The following ANKS1B variants were observed in gnomAD, a reference collection of about 807,000 sequenced individuals.
The protein encoded by ANKS1B is ankyrin repeat and sterile alpha motif domain-containing protein 1B.
ANKS1B carries 36 observed loss-of-function variants against 148.3 expected under a neutral mutation model. That is an observed-to-expected ratio of 0.24 (90% CI 0.19 to 0.32). The LOEUF is 0.32. ANKS1B is among the 10% of genes least tolerant of loss of function. ANKS1B has a pLI of 1.00. For synonymous variants in ANKS1B, 542 were observed against 560.8 expected (o/e 0.97, Z 0.47); for missense variants, 1,157 against 1,542.6 (o/e 0.75, Z 4.19).
intron 22 of ANKS1B, among the ~76,000 whole-genome samples, chr12:98,785,026 G>A (rs1432304965): frequency 1.3e-5 from 2 of 152,164 alleles, no homozygotes; most frequent in Non-Finnish European, 2.9e-5. Context: ...AATCTTCTGG[G>A]TAGAGCCCCT....
Position 98,781,179 on chromosome 12 carries a change from C to T in ANKS1B, c.3379G>A (p.Val1127Ile). The T allele has an allele frequency of 6.3e-7, 1 of 1,585,692 alleles. No individual in the cohort carries two copies. The highest frequency in any genetic ancestry group is 1.3e-5 in the African/African-American group (1 of 74,592). ...GAGACAGAAAGAATAATAGTAGGGA[C>T]CTTCTTCATTTGCTCTGTAGACTTC... Reference protein sequence around the residue: ...CQKSTEQMKKVPTIILSVSYK... With the variant: ...CQKSTEQMKKIPTIILSVSYK... Residue 1127 changes from valine to isoleucine, a missense_variant, in exon 24 of 27, where the codon GTC becomes ATC. Coordinates refer to ENST00000683438, the MANE Select transcript of ANKS1B (RefSeq NM_001352186.2).
chr12:98,908,764 G>A (rs903026960), intron 17 of ANKS1B, among the ~76,000 whole-genome samples: 2 of 152,204 alleles, frequency 1.3e-5, no homozygotes, highest in African/African-American at 4.8e-5. Flanking sequence ...CAAGAGGAAG[G>A]TGGCAAAGAA....
intron 12 of ANKS1B, among the ~76,000 whole-genome samples, chr12:99,321,500 G>A (rs1295419721): frequency 5.3e-5 from 8 of 152,212 alleles, no homozygotes; most frequent in African/African-American, 9.6e-5. Flanking sequence ...GGGACCCTCC[G>A]AGCCAAGTGC....
intron 12 of ANKS1B, among the ~76,000 whole-genome samples, chr12:99,317,926 G>C (rs9705815): frequency 1.3e-5 from 2 of 152,166 alleles, no homozygotes; most frequent in Admixed American, 6.5e-5. Flanking sequence ...AGATAATCAT[G>C]TGGTTTTTGT....
At chr12:99,827,279 C>T (rs2083321957) in intron 1 of ANKS1B, among the ~76,000 whole-genome samples, 1 of 151,052 alleles carries the variant, frequency 6.6e-6, no homozygotes, top group Non-Finnish European at 1.5e-5. Context: ...AGACATTATG[C>T]TAAGTGAAAT....
intron 22 of ANKS1B, among the ~76,000 whole-genome samples, chr12:98,789,297 T>A (rs2098826232): frequency 6.6e-6 from 1 of 151,984 alleles, no homozygotes. Context: ...GAGCCAAGAT[T>A]GCACCACCAC....
chr12:99,381,325 T>G (rs983251688), intron 12 of ANKS1B, among the ~76,000 whole-genome samples: 1 of 152,218 alleles, frequency 6.6e-6, no homozygotes, highest in African/African-American at 2.4e-5. Flanking sequence ...GGATTTGGAA[T>G]TCCAGCTTAG....
At chr12:99,457,003 G>A (rs2152839852) in intron 10 of ANKS1B, among the ~76,000 whole-genome samples, 1 of 152,200 alleles carries the variant, frequency 6.6e-6, no homozygotes, top group South Asian at 2.1e-4. Flanking sequence ...ATGAAGAGCT[G>A]TGAGGCAAAA....
chr12:98,755,642 T>TAA (rs1161032894), intron 25 of ANKS1B, among the ~76,000 whole-genome samples: 1 of 152,250 alleles, frequency 6.6e-6, no homozygotes, highest in Admixed American at 6.5e-5. Context: ...TTGTTTCATT[T>TAA]AAGTCTTACC....
intron 16 of ANKS1B, among the ~76,000 whole-genome samples, chr12:99,083,423 C>T (rs1005968373): frequency 6.6e-6 from 1 of 152,116 alleles, no homozygotes; most frequent in Non-Finnish European, 1.5e-5. Flanking sequence ...TACACTGCCT[C>T]TAGAATTAAC....
chr12:99,728,087 A>G lies in ANKS1B; in HGVS notation c.1128+44835T>C, dbSNP rs570688660. ...CATAGGCATGGGCAAAGACTTCATG[A>G]TGAAAACACCAAAAGCAATTCCAAC... is the stretch of plus-strand genomic sequence containing the variant. On this transcript the variant is annotated intron_variant, in intron 8 of 26. Transcript: ENST00000683438. Among the ~76,000 whole-genome samples, 96 of 152,314 alleles carry G rather than the reference A, an allele frequency of 6.3e-4. 1 individual carries two copies. The highest frequency in any genetic ancestry group is 2.2e-3 in the African/African-American group (93 of 41,580).
At chr12:99,289,895 C>A (rs1319545133) in intron 12 of ANKS1B, among the ~76,000 whole-genome samples, 1 of 151,468 alleles carries the variant, frequency 6.6e-6, no homozygotes, top group African/African-American at 2.4e-5. Context: ...AAAACAAACA[C>A]AAAATTACTA....
chr12:99,017,847 A>G (rs2099943459), intron 17 of ANKS1B, among the ~76,000 whole-genome samples: 1 of 152,152 alleles, frequency 6.6e-6, no homozygotes, highest in Non-Finnish European at 1.5e-5. Flanking sequence ...GAAACTCGGG[A>G]AGCTGAGTTC....
chr12:99,176,732 T>A (rs531146752), intron 14 of ANKS1B, among the ~76,000 whole-genome samples: 1 of 152,218 alleles, frequency 6.6e-6, no homozygotes, highest in Admixed American at 6.5e-5. Flanking sequence ...TTAAAAAGTG[T>A]CTGGCACCTC....
At chr12:99,753,353 T>C (rs1392068566) in intron 8 of ANKS1B, among the ~76,000 whole-genome samples, 1 of 152,082 alleles carries the variant, frequency 6.6e-6, no homozygotes, top group Non-Finnish European at 1.5e-5. Context: ...GAATAAGCTA[T>C]ACTGGTGGCA....
intron 14 of ANKS1B, among the ~76,000 whole-genome samples, chr12:99,226,814 A>C (rs2086017582): frequency 6.6e-6 from 1 of 152,336 alleles, no homozygotes; most frequent in Non-Finnish European, 1.5e-5. Flanking sequence ...GACGTAAAAA[A>C]ACTACATCAA....
intron 9 of ANKS1B, among the ~76,000 whole-genome samples, chr12:99,563,199 C>G (rs184111489): frequency 2.0e-5 from 3 of 152,298 alleles, no homozygotes; most frequent in Admixed American, 1.3e-4. Context: ...TGTGTGTTCA[C>G]TGTAATAGCA....
At chr12:99,242,479 T>C (rs2089528068) in intron 14 of ANKS1B, among the ~76,000 whole-genome samples, 1 of 152,184 alleles carries the variant, frequency 6.6e-6, no homozygotes, top group Middle Eastern at 3.2e-3. Flanking sequence ...CAAGGTAATT[T>C]ATAGATTCAA....
chr12:99,748,265 G>C (rs186375947), intron 8 of ANKS1B, among the ~76,000 whole-genome samples: 151 of 152,080 alleles, frequency 9.9e-4, no homozygotes, highest in African/African-American at 3.5e-3. Flanking sequence ...AGTAAAAACA[G>C]CCTAAAGTGA....
Sources: allele counts gnomAD v4.1 joint callset (sites outside exome capture counted in the v4.1 genomes callset), GRCh38; gene constraint gnomAD v4.1.1; transcripts MANE v1.5; gene names NCBI Gene and HGNC (gene_info 2026-07-23, HGNC 2026-07-21).